The following BCAR3 variants were observed in gnomAD, a reference collection of about 807,000 sequenced individuals.
BCAR3 encodes the protein BCAR3 adaptor protein, NSP family member.
In BCAR3, 37 loss-of-function variants were observed where a neutral mutation model predicts 80.1. That is an observed-to-expected ratio of 0.46 (90% CI 0.36 to 0.61). The LOEUF is 0.61. BCAR3 is among the 20% of genes least tolerant of loss of function. BCAR3 has a pLI of 0.00. For synonymous variants in BCAR3, 389 were observed against 418.9 expected (o/e 0.93, Z 0.87); for missense variants, 978 against 1,068.2 (o/e 0.92, Z 1.18).
rs1458212435 is a variant in BCAR3 at position 93,584,084 on chromosome 1, C to A, written c.967G>T (p.Asp323Tyr). Residue 323 changes from aspartate to tyrosine, a missense_variant, in exon 6 of 12, where the codon GAT (aspartate) becomes TAT (tyrosine). Transcript: ENST00000260502. ...AAGGCTCTTCTGTCCTGCATGTGATCCAGGCAGGCGGGCTGGCTACCACTC... is the reference window on the plus strand; with the variant it reads ...AAGGCTCTTCTGTCCTGCATGTGATACAGGCAGGCGGGCTGGCTACCACTC... ...EKSGSQPACL[D>Y]HMQDRRALSL... The A allele has an allele frequency of 1.2e-6, 2 of 1,614,100 alleles. No homozygotes were observed. Among genetic ancestry groups the A allele is most frequent in the South Asian group, 1.1e-5 (1 of 91,070 alleles).
intron 2 of BCAR3, among the ~76,000 whole-genome samples, chr1:93,730,354 C>A (rs1182145369): frequency 6.6e-6 from 1 of 152,158 alleles, no homozygotes; most frequent in Admixed American, 6.6e-5. Flanking sequence ...TGCTTCAAAA[C>A]TGGGCTGACA....
chr1:93,808,267 C>A (rs991626529), intron 2 of BCAR3, among the ~76,000 whole-genome samples: 10 of 152,028 alleles, frequency 6.6e-5, no homozygotes, highest in African/African-American at 2.4e-4. Context: ...AAAAGACCCA[C>A]ACATAGCACA....
At chr1:93,797,878 A>T (rs1653337126) in intron 2 of BCAR3, among the ~76,000 whole-genome samples, 4 of 152,254 alleles carry the variant, frequency 2.6e-5, no homozygotes, top group Admixed American at 2.6e-4. Context: ...CAACCCAATG[A>T]GAGAACATAT....
intron 7 of BCAR3, among the ~76,000 whole-genome samples, chr1:93,579,649 G>A (rs944871216): frequency 2.6e-5 from 4 of 152,096 alleles, no homozygotes; most frequent in African/African-American, 9.7e-5. Context: ...CCAAGGGCGG[G>A]CAGGCAGGCA....
intron 2 of BCAR3, among the ~76,000 whole-genome samples, chr1:93,646,908 G>T (rs562017333): frequency 6.6e-6 from 1 of 152,088 alleles, no homozygotes; most frequent in East Asian, 1.9e-4. Context: ...TTTGTTAATA[G>T]TCTAGGTAAA....
intron 3 of BCAR3, among the ~76,000 whole-genome samples, chr1:93,596,943 A>G (rs1039384852): frequency 1.3e-5 from 2 of 152,208 alleles, no homozygotes; most frequent in Non-Finnish European, 2.9e-5. Flanking sequence ...CTTTGGATCA[A>G]GAACATTGTG....
At chr1:93,758,303 T>C (rs1023114498) in intron 2 of BCAR3, among the ~76,000 whole-genome samples, 3 of 152,206 alleles carry the variant, frequency 2.0e-5, no homozygotes, top group African/African-American at 7.2e-5. Context: ...TCCATCAGGA[T>C]ACAGGGCCAG....
At chr1:93,769,462 ATAGT>A (rs1249605079) in intron 2 of BCAR3, among the ~76,000 whole-genome samples, 1 of 151,558 alleles carries the variant, frequency 6.6e-6, no homozygotes, top group Non-Finnish European at 1.5e-5. Flanking sequence ...TGTGATGGAA[ATAGT>A]TAAAGAGGCT....
chr1:93,609,619 G>A (rs1570965708), intron 3 of BCAR3, among the ~76,000 whole-genome samples: 1 of 152,298 alleles, frequency 6.6e-6, no homozygotes, highest in East Asian at 1.9e-4. Flanking sequence ...AGAGGTAGGG[G>A]TTTGTTTCCA....
At chr1:93,819,197 G>T (rs1417193335) in intron 2 of BCAR3, among the ~76,000 whole-genome samples, 1 of 152,072 alleles carries the variant, frequency 6.6e-6, no homozygotes, top group Admixed American at 6.6e-5. Flanking sequence ...CTCCCAAGTA[G>T]CTGGGATTAC....
intron 3 of BCAR3, among the ~76,000 whole-genome samples, chr1:93,636,860 G>A (rs60097188): frequency 2.4e-4 from 36 of 152,290 alleles, no homozygotes; most frequent in African/African-American, 8.4e-4. Context: ...ACTTCGGGAG[G>A]CTGAGGCAGG....
At chr1:93,726,819 G>T (rs1650601030) in intron 2 of BCAR3, among the ~76,000 whole-genome samples, 2 of 151,920 alleles carry the variant, frequency 1.3e-5, no homozygotes. Context: ...CTAAATTTCT[G>T]CCCACAGGTG....
At chr1:93,581,802 A>G (rs1487938574) in intron 7 of BCAR3, among the ~76,000 whole-genome samples, 1 of 152,278 alleles carries the variant, frequency 6.6e-6, no homozygotes, top group African/African-American at 2.4e-5. Flanking sequence ...AATAAAATAA[A>G]TATGTAATGC....
At chr1:93,661,228 G>A (rs554263196) in intron 2 of BCAR3, among the ~76,000 whole-genome samples, 14 of 152,026 alleles carry the variant, frequency 9.2e-5, no homozygotes, top group Non-Finnish European at 1.9e-4. Flanking sequence ...TAGTAGAGAC[G>A]GGGTTTCTTC....
intron 2 of BCAR3, among the ~76,000 whole-genome samples, chr1:93,650,750 T>C (rs1676296874): frequency 6.6e-6 from 1 of 152,072 alleles, no homozygotes; most frequent in African/African-American, 2.4e-5. Context: ...CCCCAAAAAA[T>C]TCGGTGATGG....
At position 93,786,051 on chromosome 1, in the gene BCAR3, G is replaced by A. The variant is rs986971174; in HGVS notation, c.-63+59516C>T. Among the ~76,000 whole-genome samples, 3 of 141,658 alleles carry A rather than the reference G, an allele frequency of 2.1e-5. 1 individual carries two copies. The highest frequency in any genetic ancestry group is 8.7e-5 in the African/African-American group (3 of 34,596). The allele number at this position is 141,658 out of a possible 152,430, so 92.9% of individuals were successfully genotyped here. On this transcript the variant is annotated intron_variant, in intron 2 of 13. Coordinates refer to the BCAR3 transcript ENST00000370244. The stretch of plus-strand genomic sequence containing the variant: ...TACTAAAAATACAAAAAATTAGCCG[G>A]GCGTGGTGGCGGGCGCCTGTAGTCC...
intron 2 of BCAR3, among the ~76,000 whole-genome samples, chr1:93,742,179 CT>C (rs1262904955): frequency 1.3e-5 from 2 of 152,156 alleles, no homozygotes; most frequent in Non-Finnish European, 2.9e-5. Flanking sequence ...GTGAAGACGT[CT>C]CTTTTGAAGA....
chr1:93,757,245 C>T (rs1016518909), intron 2 of BCAR3, among the ~76,000 whole-genome samples: 3 of 152,176 alleles, frequency 2.0e-5, no homozygotes, highest in Admixed American at 6.5e-5. Flanking sequence ...GGCTGAAGCC[C>T]GGCCAAAGAA....
chr1:93,702,100 A>G (rs919431848), intron 3 of BCAR3, among the ~76,000 whole-genome samples: 1 of 152,138 alleles, frequency 6.6e-6, no homozygotes, highest in South Asian at 2.1e-4. Flanking sequence ...CGCTGTGGCA[A>G]TGAAATTCTC....
Sources: gnomAD v4.1 joint callset for allele counts (sites outside exome capture counted in the v4.1 genomes callset) on GRCh38, gnomAD v4.1.1 for gene constraint, MANE v1.5 for transcripts, NCBI Gene and HGNC (gene_info 2026-07-23, HGNC 2026-07-21) for gene names.